The following ZNF804B variants were observed in gnomAD, a reference collection of about 807,000 sequenced individuals.
The protein encoded by ZNF804B is zinc finger 804B.
Under a neutral mutation model 101.4 loss-of-function variants are expected in ZNF804B, and 80 were observed. The ratio of observed to expected loss-of-function variants is 0.79; its 90% CI spans 0.66 to 0.95. The LOEUF (loss-of-function observed/expected upper bound fraction) is 0.95, where lower values mean the gene tolerates loss of function less well. Ranked by LOEUF, ZNF804B falls within the 40% of genes least tolerant of loss-of-function variation. ZNF804B has a pLI of 0.00. For missense variants in ZNF804B, 1,673 were observed against 1,561.9 expected (o/e 1.07, Z -1.20); for synonymous variants, 622 against 558.8 (o/e 1.11, Z -1.59).
In ZNF804B at chr7:88,982,705, G is replaced by T. The variant is rs1793709142; in HGVS notation, c.108+222621G>T. On this transcript the variant is annotated intron_variant, in intron 1 of 3. Coordinates refer to ENST00000333190, the MANE Select transcript of ZNF804B (RefSeq NM_181646.5). The stretch of plus-strand genomic sequence containing the variant: ...GTTCAAATACAATTCTTATTCTGAG[G>T]TACTGAGGATTAAGACTTCAATTTA... Among the ~76,000 whole-genome samples, 4 of 152,120 alleles carry T rather than the reference G, an allele frequency of 2.6e-5. No individual in the cohort carries two copies. In the South Asian group the frequency reaches 8.3e-4, roughly 32 times the overall value.
intron 1 of ZNF804B, among the ~76,000 whole-genome samples, chr7:88,879,685 C>A (rs1184607491): frequency 6.6e-6 from 1 of 152,076 alleles, no homozygotes; most frequent in Admixed American, 6.6e-5. Context: ...CTGGACCGCA[C>A]CCTGTGGAAA....
At chr7:89,020,153 G>T (rs1584077404) in intron 1 of ZNF804B, among the ~76,000 whole-genome samples, 1 of 152,132 alleles carries the variant, frequency 6.6e-6, no homozygotes, top group Non-Finnish European at 1.5e-5. Flanking sequence ...ATATTAGTGA[G>T]TTTCATAATT....
intron 1 of ZNF804B, among the ~76,000 whole-genome samples, chr7:89,033,390 C>T (rs531864782): frequency 6.6e-6 from 1 of 152,108 alleles, no homozygotes; most frequent in African/African-American, 2.4e-5. Context: ...GATTTCATGA[C>T]TTGGTTATTA....
At chr7:89,078,073 A>C (rs1789639550) in intron 1 of ZNF804B, among the ~76,000 whole-genome samples, 1 of 152,102 alleles carries the variant, frequency 6.6e-6, no homozygotes, top group African/African-American at 2.4e-5. Flanking sequence ...GAGAGTTAAG[A>C]AGACATAATT....
At chr7:89,173,818 T>A (rs1181552131) in intron 1 of ZNF804B, among the ~76,000 whole-genome samples, 1 of 152,048 alleles carries the variant, frequency 6.6e-6, no homozygotes, top group Non-Finnish European at 1.5e-5. Context: ...TATAGTGGGA[T>A]GAAAAGTTAG....
chr7:89,179,144 T>C (rs1366281605), intron 1 of ZNF804B, among the ~76,000 whole-genome samples: 3 of 152,194 alleles, frequency 2.0e-5, no homozygotes, highest in African/African-American at 7.2e-5. Context: ...GGTAGTTTTA[T>C]TTGGGTTAAA....
intron 1 of ZNF804B, chr7:88,794,229 G>A (rs143392475): frequency 1.9e-6 from 3 of 1,613,194 alleles, no homozygotes; most frequent in Non-Finnish European, 2.5e-6. Context: ...CCAGAGTGAT[G>A]TGTATGGGTC....
chr7:89,138,676 C>T (rs1385158198), intron 1 of ZNF804B, among the ~76,000 whole-genome samples: 1 of 152,020 alleles, frequency 6.6e-6, no homozygotes, highest in South Asian at 2.1e-4. Context: ...TCTCCAGTTC[C>T]CACATGTTGT....
chr7:89,265,429 AG>A (rs2115824511), intron 2 of ZNF804B, among the ~76,000 whole-genome samples: 1 of 152,336 alleles, frequency 6.6e-6, no homozygotes, highest in African/African-American at 2.4e-5. Flanking sequence ...AGTGGAACTT[AG>A]GGGATACTAA....
chr7:88,935,438 C>CT (rs1326523636), intron 1 of ZNF804B, among the ~76,000 whole-genome samples: 3 of 150,586 alleles, frequency 2.0e-5, no homozygotes, highest in Non-Finnish European at 3.0e-5. Flanking sequence ...AATCTTAGCA[C>CT]TTTGGGAGGC....
chr7:88,788,146 T>A (rs1790329927), intron 1 of ZNF804B, among the ~76,000 whole-genome samples: 1 of 152,098 alleles, frequency 6.6e-6, no homozygotes, highest in Non-Finnish European at 1.5e-5. Context: ...CAGATGCCTG[T>A]GGGGTTCCAG....
chr7:88,959,051 A>C (rs939838148), intron 1 of ZNF804B, among the ~76,000 whole-genome samples: 2 of 151,392 alleles, frequency 1.3e-5, no homozygotes, highest in Non-Finnish European at 3.0e-5. Flanking sequence ...TGCCTCATGC[A>C]TTCAGCTTTT....
At chr7:89,082,631 G>T (rs1230292181) in intron 1 of ZNF804B, among the ~76,000 whole-genome samples, 1 of 151,710 alleles carries the variant, frequency 6.6e-6, no homozygotes, top group Non-Finnish European at 1.5e-5. Context: ...TGCAGATGAG[G>T]TAGAGGTGGA....
At chr7:89,255,415 C>G (rs1012532509) in intron 2 of ZNF804B, among the ~76,000 whole-genome samples, 12 of 152,186 alleles carry the variant, frequency 7.9e-5, no homozygotes, top group African/African-American at 2.4e-4. Flanking sequence ...AAGAGATAGA[C>G]AAGTAAAAAA....
chr7:89,082,448 T>C (rs1789710204), intron 1 of ZNF804B, among the ~76,000 whole-genome samples: 1 of 151,684 alleles, frequency 6.6e-6, no homozygotes, highest in African/African-American at 2.4e-5. Context: ...AAATTTAAAT[T>C]GGATTTAAAT....
At chr7:88,963,005 C>T (rs1793410139) in intron 1 of ZNF804B, among the ~76,000 whole-genome samples, 2 of 150,624 alleles carry the variant, frequency 1.3e-5, no homozygotes, top group South Asian at 4.2e-4. Context: ...TAGAAAGGTG[C>T]CATCTAAGAC....
intron 1 of ZNF804B, among the ~76,000 whole-genome samples, chr7:89,201,497 T>A (rs1407755422): frequency 2.0e-5 from 3 of 151,884 alleles, no homozygotes; most frequent in African/African-American, 7.3e-5. Context: ...GGTTGATTGG[T>A]CCACCAAAAG....
At chr7:88,764,829 C>T (rs1789956617) in intron 1 of ZNF804B, among the ~76,000 whole-genome samples, 1 of 152,170 alleles carries the variant, frequency 6.6e-6, no homozygotes, top group African/African-American at 2.4e-5. Context: ...GTAGAGAAGT[C>T]ACCTGCATCC....
intron 1 of ZNF804B, among the ~76,000 whole-genome samples, chr7:89,186,595 T>A (rs1274813948): frequency 6.9e-6 from 1 of 144,136 alleles, no homozygotes; most frequent in Non-Finnish European, 1.5e-5. Flanking sequence ...TGTATTTGCA[T>A]TGCTTTTAAG....
Sources: gnomAD v4.1 joint callset for allele counts (sites outside exome capture counted in the v4.1 genomes callset) on GRCh38, gnomAD v4.1.1 for gene constraint, MANE v1.5 for transcripts, NCBI Gene and HGNC (gene_info 2026-07-23, HGNC 2026-07-21) for gene names.